Variants in C12orf42 observed in about 807,000 individuals in gnomAD.
C12orf42 encodes the protein chromosome 12 open reading frame 42, also known as uncharacterized protein C12orf42.
A neutral mutation model predicts 21.6 loss-of-function variants in C12orf42; 25 were observed. That is an observed-to-expected ratio of 1.16 (90% CI 0.84 to 1.62). The LOEUF (loss-of-function observed/expected upper bound fraction) is 1.62, where lower values mean the gene tolerates loss of function less well. Ranked by LOEUF, C12orf42 falls within the 40% of genes most tolerant of loss-of-function variation. The probability of loss-of-function intolerance (pLI) is 0.00; values close to 1 mark genes in which losing one functional copy is unlikely to be tolerated. For synonymous variants in C12orf42, 174 were observed against 175.0 expected (o/e 0.99, Z 0.05); for missense variants, 483 against 459.3 (o/e 1.05, Z -0.47).
the C12orf42 span, among the ~76,000 whole-genome samples, chr12:103,523,512 T>C: frequency 6.6e-6 from 1 of 151,816 alleles, no homozygotes; most frequent in Non-Finnish European, 1.5e-5. Flanking sequence ...AAAACAATGC[T>C]GTAGTTGCTT....
At chr12:103,352,749 T>G (rs1288585425) in intron 4 of C12orf42, among the ~76,000 whole-genome samples, 2 of 152,150 alleles carry the variant, frequency 1.3e-5, no homozygotes, top group African/African-American at 2.4e-5. Context: ...AGATCTAAAT[T>G]GTCTCAATGC....
the C12orf42 span, among the ~76,000 whole-genome samples, chr12:103,095,052 T>G: frequency 6.6e-6 from 1 of 152,322 alleles, no homozygotes; most frequent in East Asian, 1.9e-4. Flanking sequence ...CCAGAATCAA[T>G]TGGAAAATCC....
At chr12:103,501,207 T>C in the C12orf42 span, among the ~76,000 whole-genome samples, 1 of 152,106 alleles carries the variant, frequency 6.6e-6, no homozygotes, top group Non-Finnish European at 1.5e-5. Context: ...ATACCAAAGC[T>C]CTCATTTGGG....
chr12:103,083,574 A>T, the C12orf42 span, among the ~76,000 whole-genome samples: 2 of 152,180 alleles, frequency 1.3e-5, no homozygotes, highest in Non-Finnish European at 2.9e-5. Context: ...CAGTTTTTTT[A>T]AAAAGCTTTT....
chr12:103,471,062 T>C (rs1468763500), intron 2 of C12orf42, among the ~76,000 whole-genome samples: 5 of 152,170 alleles, frequency 3.3e-5, no homozygotes, highest in South Asian at 4.1e-4. Flanking sequence ...GGGGCATTTG[T>C]TGTGCAGCAA....
chr12:103,412,049 A>C (rs2048892515), intron 2 of C12orf42, among the ~76,000 whole-genome samples: 1 of 152,186 alleles, frequency 6.6e-6, no homozygotes. Context: ...AGTATACTAC[A>C]CTCAACAAAG....
the C12orf42 span, among the ~76,000 whole-genome samples, chr12:103,152,507 A>G: frequency 6.6e-6 from 1 of 152,198 alleles, no homozygotes. Context: ...CAAAATAAAT[A>G]AATAAAAATC....
chr12:103,250,695 C>G (rs1008278732), intron 10 of C12orf42, among the ~76,000 whole-genome samples: 1 of 152,112 alleles, frequency 6.6e-6, no homozygotes, highest in Non-Finnish European at 1.5e-5. Context: ...ATAGCAGTCA[C>G]GTGACTTCAA....
At chr12:103,132,540 A>G in the C12orf42 span, among the ~76,000 whole-genome samples, 1 of 152,128 alleles carries the variant, frequency 6.6e-6, no homozygotes, top group African/African-American at 2.4e-5. Flanking sequence ...CTGAGCCCTA[A>G]GCAGCCACAG....
At chr12:103,307,458 C>A (rs1346194147) in intron 4 of C12orf42, among the ~76,000 whole-genome samples, 2 of 152,158 alleles carry the variant, frequency 1.3e-5, no homozygotes, top group African/African-American at 2.4e-5. Context: ...ACTGTGTCAA[C>A]TCAAACCATT....
chr12:103,170,170 A>C, the C12orf42 span, among the ~76,000 whole-genome samples: 1 of 152,076 alleles, frequency 6.6e-6, no homozygotes, highest in Non-Finnish European at 1.5e-5. Flanking sequence ...TGGCCCTTAA[A>C]TTTTGGAGTG....
At chr12:103,496,875 AG>A (rs1268333525), upstream of C12orf42, among the ~76,000 whole-genome samples, 1 of 151,664 alleles carries the variant, frequency 6.6e-6, no homozygotes, top group Non-Finnish European at 1.5e-5. Flanking sequence ...TCTCATTCAA[AG>A]GTCTAGCAAC....
At chr12:103,506,417 T>C in the C12orf42 span, among the ~76,000 whole-genome samples, 1 of 151,844 alleles carries the variant, frequency 6.6e-6, no homozygotes, top group African/African-American at 2.4e-5. Context: ...TAGTGATGTT[T>C]TGGTCAATAT....
chr12:103,294,874 G>T (rs191774328), intron 4 of C12orf42, among the ~76,000 whole-genome samples: 13 of 152,186 alleles, frequency 8.5e-5, no homozygotes, highest in Admixed American at 5.9e-4. Context: ...AGGCATAATA[G>T]TACCCATTAG....
At chr12:103,199,661 T>G in the C12orf42 span, among the ~76,000 whole-genome samples, 1 of 152,204 alleles carries the variant, frequency 6.6e-6, no homozygotes, top group South Asian at 2.1e-4. Flanking sequence ...AAACCATTAA[T>G]AAACAAACAT....
intron 4 of C12orf42, among the ~76,000 whole-genome samples, chr12:103,294,450 G>T (rs976629440): frequency 8.9e-5 from 10 of 111,974 alleles, no homozygotes; most frequent in African/African-American, 1.6e-4. Context: ...AAGAAAGAAA[G>T]AAAGAAAGAA....
At chr12:103,128,606 C>G in the C12orf42 span, among the ~76,000 whole-genome samples, 1 of 152,194 alleles carries the variant, frequency 6.6e-6, no homozygotes, top group Non-Finnish European at 1.5e-5. Context: ...GACTGTTCAT[C>G]TTTAAAATGG....
rs540665328 is a variant in C12orf42, at chr12:103,424,524, C to T, written c.79-22849G>A. Among the ~76,000 whole-genome samples, 77 of 152,256 alleles carry T rather than the reference C, an allele frequency of 5.1e-4. 1 individual carries two copies. The South Asian group carries it at 0.014, about 27-fold the overall frequency. On this transcript the variant is annotated intron_variant, in intron 2 of 5. Coordinates refer to ENST00000548883, the MANE Select transcript of C12orf42 (RefSeq NM_198521.5). ...GACAGTGGGTGCAGCCCACAGAGGG[C>T]GAGTGGAAGCAGGGCAGGGCAACAC...
intron 2 of C12orf42, among the ~76,000 whole-genome samples, chr12:103,471,050 C>A (rs1202777559): frequency 6.6e-6 from 1 of 152,158 alleles, no homozygotes; most frequent in African/African-American, 2.4e-5. Flanking sequence ...CTCCTGTGTT[C>A]TGGGGCATTT....
Sources: gnomAD v4.1 joint callset for allele counts (sites outside exome capture counted in the v4.1 genomes callset) on GRCh38, gnomAD v4.1.1 for gene constraint, MANE v1.5 for transcripts, NCBI Gene and HGNC (gene_info 2026-07-23, HGNC 2026-07-21) for gene names.